Variants in INO80 observed in about 807,000 individuals in gnomAD.
The protein encoded by INO80 is INO80 complex ATPase subunit.
A neutral mutation model predicts 203.4 loss-of-function variants in INO80; 20 were observed. That is an observed-to-expected ratio of 0.10 (90% CI 0.07 to 0.14). The LOEUF is 0.14. Among genes scored for constraint, INO80 ranks in the 10% least tolerant of loss-of-function variants. The pLI is 1.00. For synonymous variants in INO80, 726 were observed against 685.2 expected, an observed-to-expected ratio of 1.06 and a Z score of -0.93; for missense variants, 1,419 against 1,914.4, an observed-to-expected ratio of 0.74 and a Z score of 4.83.
At chr15:41,087,918 C>T (rs1346840899) in intron 5 of INO80, among the ~76,000 whole-genome samples, 2 of 152,006 alleles carry the variant, frequency 1.3e-5, no homozygotes, top group African/African-American at 4.8e-5. Context: ...AAGCAAAACT[C>T]TTCATGCTTC....
At chr15:41,072,097 A>AG in intron 11 of INO80, 39 bp from the exon 12 acceptor site, 1 of 1,325,470 alleles carries the variant, frequency 7.5e-7, no homozygotes. Flanking sequence ...AAAAAAAAAA[A>AG]GAGGAAAAAT....
intron 29 of INO80, among the ~76,000 whole-genome samples, chr15:40,994,531 A>G (rs1566903048): frequency 1.3e-5 from 2 of 150,032 alleles, no homozygotes; most frequent in African/African-American, 4.9e-5. Flanking sequence ...GCTCAGCTAA[A>G]TTTTTTTGTA....
intron 25 of INO80, among the ~76,000 whole-genome samples, chr15:41,025,050 T>A (rs904744452): frequency 6.6e-6 from 1 of 152,296 alleles, no homozygotes; most frequent in African/African-American, 2.4e-5. Context: ...ACATACTATG[T>A]AAAGAAACTC....
intron 7 of INO80, 52 bp downstream of exon 7, chr15:41,085,317 T>G (rs1003594787): frequency 1.3e-5 from 19 of 1,468,290 alleles, no homozygotes; most frequent in Non-Finnish European, 1.8e-5. Context: ...CTTTAGTGGG[T>G]GGGGAGAGAA....
chr15:41,081,231 G>A (rs542298056), intron 7 of INO80, among the ~76,000 whole-genome samples, 158 bp from the exon 8 acceptor site: 8 of 152,190 alleles, frequency 5.3e-5, no homozygotes, highest in Admixed American at 3.9e-4. Flanking sequence ...TTGTCTCAAC[G>A]CCATACATAA....
At chr15:41,113,672 C>T (rs921915029) in intron 1 of INO80, among the ~76,000 whole-genome samples, 1 of 152,158 alleles carries the variant, frequency 6.6e-6, no homozygotes, top group African/African-American at 2.4e-5. Context: ...AGTGCGCTGG[C>T]ACAATCATAG....
In INO80 at chr15:41,055,333, G is replaced by A. The variant is rs940415581; in HGVS notation, c.2102C>T (p.Thr701Ile). ...LWALLHFIMP[T>I]LFDSHEEFNE... ...AAATTCCTCATGTGAATCAAATAAT[G>A]TTGGCATAATGAAATGCAGCAGAGC... is the stretch of plus-strand genomic sequence containing the variant. The change falls in exon 18 of 36, where the codon ACA becomes ATA. Residue 701 changes from threonine (T) to isoleucine (I), a missense_variant. Transcript: ENST00000648947. The A allele has an allele frequency of 1.2e-6, 2 of 1,612,566 alleles. No individual in the cohort carries two copies. The highest frequency in any genetic ancestry group is 1.7e-5 in the Admixed American group (1 of 59,950).
chr15:41,109,545 T>C (rs1402808596), intron 1 of INO80, among the ~76,000 whole-genome samples: 1 of 151,730 alleles, frequency 6.6e-6, no homozygotes, highest in Non-Finnish European at 1.5e-5. Context: ...CCCCGGCACT[T>C]TGGGAGGTTG....
chr15:41,008,592 T>C (rs2044085853), intron 27 of INO80, among the ~76,000 whole-genome samples: 1 of 152,190 alleles, frequency 6.6e-6, no homozygotes, highest in Non-Finnish European at 1.5e-5. Context: ...CTTAAATATA[T>C]ACAATTTTTA....
chr15:41,056,954 G>A (rs2044997703), intron 16 of INO80, among the ~76,000 whole-genome samples: 1 of 152,136 alleles, frequency 6.6e-6, no homozygotes, highest in Non-Finnish European at 1.5e-5. Flanking sequence ...AATAGGCAGA[G>A]TTGTATCATT....
At position 41,085,381 on chromosome 15, in the gene INO80, C is replaced by A; in HGVS notation, c.861G>T (p.Lys287Asn). The part of the protein sequence containing the change: ...RRKVWLSIVK[K>N]ELPKANKQKA... ...GGCATTCACTTACCTTTGGTAGTTC[C>A]TTTTTCACAATGCTGAGCCATACTT... The change falls in exon 7 of 36, where the codon AAG becomes AAT. Residue 287 changes from lysine (K) to asparagine (N), a missense_variant. This residue lies in a region of INO80 where 87 missense variants were observed against 150.5 expected (regional missense o/e 0.58). Transcript: ENST00000648947. 6.2e-7 allele frequency: 1 copy of A among 1,614,020 alleles called. No individual in the cohort carries two copies. Among genetic ancestry groups the A allele is most frequent in the Non-Finnish European group, 8.5e-7 (1 of 1,179,970 alleles).
chr15:41,111,528 C>T (rs1364511478), intron 1 of INO80, among the ~76,000 whole-genome samples: 2 of 151,932 alleles, frequency 1.3e-5, no homozygotes, highest in Admixed American at 1.3e-4. Context: ...AAAAACAGGC[C>T]ACACAGTGGC....
At chr15:40,982,606 C>T (rs1290984548) in intron 35 of INO80, among the ~76,000 whole-genome samples, 1 of 152,194 alleles carries the variant, frequency 6.6e-6, no homozygotes, top group East Asian at 1.9e-4. Flanking sequence ...AAGAAAAATT[C>T]AGAATGTTTA....
At chr15:41,048,048 T>C (rs1364625673) in intron 22 of INO80, among the ~76,000 whole-genome samples, 164 bp downstream of exon 22, 3 of 152,188 alleles carry the variant, frequency 2.0e-5, no homozygotes, top group Non-Finnish European at 4.4e-5. Context: ...ACAGAGCCTA[T>C]AAAGATAACT....
chr15:40,992,695 T>C (rs73385890), intron 29 of INO80, among the ~76,000 whole-genome samples: 9,884 of 152,322 alleles, frequency 0.065, 929 homozygotes, highest in African/African-American at 0.21. Context: ...TTCTAAGAAC[T>C]ATTCCAGGAG....
chr15:41,035,081 G>A (rs1265529043), intron 24 of INO80, among the ~76,000 whole-genome samples: 2 of 152,188 alleles, frequency 1.3e-5, no homozygotes, highest in Non-Finnish European at 2.9e-5. Flanking sequence ...TTGCTGTGAA[G>A]AAACACGGGT....
intron 23 of INO80, among the ~76,000 whole-genome samples, chr15:41,045,581 CAAAAAAAA>C (rs61411603): frequency 7.7e-6 from 1 of 129,342 alleles, no homozygotes; most frequent in African/African-American, 3.1e-5. Context: ...GACTCTGTCT[CAAAAAAAA>C]AAAAAAAAAA....
intron 27 of INO80, among the ~76,000 whole-genome samples, chr15:41,014,538 A>T (rs910074115): frequency 1.3e-5 from 2 of 152,184 alleles, no homozygotes; most frequent in African/African-American, 4.8e-5. Context: ...ATCAAACACA[A>T]CAGCTTAATC....
chr15:41,000,706 C>CAAAAAAAAAAAAAAAAAAAAAAAAAA (rs58232890), intron 28 of INO80, among the ~76,000 whole-genome samples: 4 of 56,824 alleles, frequency 7.0e-5, no homozygotes, highest in East Asian at 5.1e-4. Context: ...CACCCTGTCT[C>CAAAAAAAAAAAAAAAAAAAAAAAAAA]AAAAAAAAAA....
Sources: allele counts gnomAD v4.1 joint callset (sites outside exome capture counted in the v4.1 genomes callset), GRCh38; gene constraint gnomAD v4.1.1; regional missense constraint gnomAD v4.1.1; transcripts MANE v1.5; gene names NCBI Gene and HGNC (gene_info 2026-07-23, HGNC 2026-07-21).